Variants in SFMBT1 observed in about 807,000 individuals in gnomAD.
SFMBT1 encodes scm-like with four MBT domains protein 1.
Under a neutral mutation model 108.7 loss-of-function variants are expected in SFMBT1, and 32 were observed. That is an observed-to-expected ratio of 0.29 (90% confidence interval 0.22 to 0.40). The LOEUF is 0.40. Ranked by LOEUF, SFMBT1 falls within the 10% of genes least tolerant of loss-of-function variation. The probability of loss-of-function intolerance (pLI) is 1.00; values close to 1 mark genes in which losing one functional copy is unlikely to be tolerated. For synonymous variants in SFMBT1, 348 were observed against 369.5 expected, an observed-to-expected ratio of 0.94 and a Z score of 0.67; for missense variants, 816 against 1,059.6, an observed-to-expected ratio of 0.77 and a Z score of 3.19.
intron 15 of SFMBT1, among the ~76,000 whole-genome samples, chr3:52,913,025 G>A (rs1278556928): frequency 6.6e-6 from 1 of 152,166 alleles, no homozygotes; most frequent in Non-Finnish European, 1.5e-5. Context: ...TGGTCCAGAC[G>A]CTCTGGCTTC....
chr3:53,020,164 G>A (rs1237292026), intron 1 of SFMBT1, among the ~76,000 whole-genome samples: 3 of 151,976 alleles, frequency 2.0e-5, no homozygotes, highest in Non-Finnish European at 2.9e-5. Context: ...CGAGGCAGGC[G>A]GATCACCTAA....
At chr3:53,013,061 G>C (rs1699007872) in intron 1 of SFMBT1, among the ~76,000 whole-genome samples, 1 of 151,584 alleles carries the variant, frequency 6.6e-6, no homozygotes, top group Non-Finnish European at 1.5e-5. Flanking sequence ...TTTTGAAAAA[G>C]CATCTAAAAG....
intron 17 of SFMBT1, 29 bp from the exon 18 acceptor site, chr3:52,907,762 G>GC: frequency 6.4e-7 from 1 of 1,568,546 alleles, no homozygotes; most frequent in Non-Finnish European, 8.6e-7. Flanking sequence ...GAAAAATGAA[G>GC]TAGCTTCATT....
chr3:52,907,376 T>C, intron 18 of SFMBT1, 62 bp from the exon 19 acceptor site: 2 of 1,545,368 alleles, frequency 1.3e-6, no homozygotes, highest in South Asian at 2.5e-5. Context: ...TTTCATATGA[T>C]TAAAAAAAAA....
intron 1 of SFMBT1, among the ~76,000 whole-genome samples, chr3:53,023,194 T>A (rs1049419387): frequency 2.0e-5 from 3 of 152,142 alleles, no homozygotes; most frequent in Non-Finnish European, 1.5e-5. Context: ...GTCAATGTGA[T>A]CCTTTATGTG....
At chr3:53,041,425 C>T (rs553041216) in intron 1 of SFMBT1, among the ~76,000 whole-genome samples, 3 of 152,196 alleles carry the variant, frequency 2.0e-5, no homozygotes, top group Admixed American at 6.5e-5. Context: ...CCGCGAGGCG[C>T]GGGGGCTCAT....
At chr3:52,948,644 T>C (rs925383471) in intron 3 of SFMBT1, among the ~76,000 whole-genome samples, 3 of 149,670 alleles carry the variant, frequency 2.0e-5, no homozygotes, top group African/African-American at 7.3e-5. Flanking sequence ...ATTATTATTA[T>C]TATTATTGTT....
At chr3:52,934,397 G>A (rs1575384114) in intron 5 of SFMBT1, among the ~76,000 whole-genome samples, 1 of 148,400 alleles carries the variant, frequency 6.7e-6, no homozygotes, top group East Asian at 2.0e-4. Context: ...GCAGGTGGAA[G>A]GCAGAAGTGC....
intron 3 of SFMBT1, among the ~76,000 whole-genome samples, chr3:52,951,764 G>A (rs575094092): frequency 5.7e-4 from 87 of 152,260 alleles, no homozygotes; most frequent in African/African-American, 2.0e-3. Context: ...GCCTTTAAGC[G>A]GTTTTCTGCC....
At chr3:52,914,162 T>C (rs977865934) in intron 14 of SFMBT1, among the ~76,000 whole-genome samples, 2 of 152,190 alleles carry the variant, frequency 1.3e-5, no homozygotes, top group Non-Finnish European at 2.9e-5. Context: ...TTTTTTGTAC[T>C]GTGGGGTATA....
chr3:52,917,254 A>T (rs150386422), intron 13 of SFMBT1, among the ~76,000 whole-genome samples: 1 of 152,352 alleles, frequency 6.6e-6, no homozygotes, highest in African/African-American at 2.4e-5. Context: ...CCTCCTACTC[A>T]AATTCATATG....
At chr3:53,022,267 T>C (rs1699336471) in intron 1 of SFMBT1, among the ~76,000 whole-genome samples, 1 of 151,962 alleles carries the variant, frequency 6.6e-6, no homozygotes, top group African/African-American at 2.4e-5. Flanking sequence ...CTGGGCAACA[T>C]GGTGAAACCC....
chr3:52,940,117 A>T (rs1328515138), intron 4 of SFMBT1, among the ~76,000 whole-genome samples: 1 of 152,164 alleles, frequency 6.6e-6, no homozygotes, highest in Non-Finnish European at 1.5e-5. Context: ...CATTTAAACG[A>T]GATGCATTTT....
At chr3:53,025,710 A>G (rs1224684181) in intron 1 of SFMBT1, among the ~76,000 whole-genome samples, 5 of 152,206 alleles carry the variant, frequency 3.3e-5, no homozygotes. Context: ...ACTCCTAAAC[A>G]TACTTCATCT....
intron 4 of SFMBT1, among the ~76,000 whole-genome samples, chr3:52,942,821 C>T (rs9875938): frequency 0.03 from 4,523 of 152,248 alleles, 240 homozygotes; most frequent in African/African-American, 0.1. Flanking sequence ...AGACAACTCA[C>T]GTATTTTCTT....
At chr3:52,952,236 C>A (rs1703621390) in intron 3 of SFMBT1, among the ~76,000 whole-genome samples, 1 of 152,002 alleles carries the variant, frequency 6.6e-6, no homozygotes, top group African/African-American at 2.4e-5. Flanking sequence ...CGGGCGCCTG[C>A]AGTCCCAGCT....
At chr3:52,966,400 T>A (rs1414375446) in intron 2 of SFMBT1, among the ~76,000 whole-genome samples, 2 of 144,298 alleles carry the variant, frequency 1.4e-5, no homozygotes, top group Non-Finnish European at 3.0e-5. Context: ...CCGAGACAGG[T>A]GGATCACAGG....
At chr3:52,950,499 G>C (rs1453606371) in intron 3 of SFMBT1, among the ~76,000 whole-genome samples, 1 of 152,034 alleles carries the variant, frequency 6.6e-6, no homozygotes, top group Non-Finnish European at 1.5e-5. Context: ...TTTTGAGATG[G>C]AGTCTCGCTC....
intron 1 of SFMBT1, among the ~76,000 whole-genome samples, chr3:53,006,814 G>A (rs1405161678): frequency 6.6e-6 from 1 of 152,118 alleles, no homozygotes; most frequent in African/African-American, 2.4e-5. Context: ...AAGGACTTTT[G>A]CTTACATAAT....
Sources: allele counts gnomAD v4.1 joint callset (sites outside exome capture counted in the v4.1 genomes callset), GRCh38; gene constraint gnomAD v4.1.1; transcripts MANE v1.5; gene names NCBI Gene and HGNC (gene_info 2026-07-23, HGNC 2026-07-21).